The following MBNL1 variants were observed in gnomAD, a reference collection of about 807,000 sequenced individuals.
The protein encoded by MBNL1 is muscleblind like splicing regulator 1, also known as muscleblind-like protein 1.
Under a neutral mutation model 42.2 loss-of-function variants are expected in MBNL1, and 8 were observed. The observed-to-expected ratio is 0.19, with a 90% CI of 0.11 to 0.34. The LOEUF (loss-of-function observed/expected upper bound fraction) is 0.34. Among genes scored for constraint, MBNL1 ranks in the 10% least tolerant of loss-of-function variants. MBNL1 has a pLI of 1.00. For synonymous variants in MBNL1, 169 were observed against 173.9 expected (o/e 0.97, Z 0.22); for missense variants, 309 against 495.3 (o/e 0.62, Z 3.57).
chr3:152,335,109 A>C, intron 2 of MBNL1: 1 of 1,286,884 alleles, frequency 7.8e-7, no homozygotes, highest in Non-Finnish European at 1.0e-6. Flanking sequence ...TTGGTGCTGC[A>C]GCAGTCACTC....
Position 152,274,164 on chromosome 3 carries a change from T to G in MBNL1, c.-790+5072T>G, listed in dbSNP as rs151080261. Among the ~76,000 whole-genome samples the G allele has an allele frequency of 2.0e-5, 3 of 152,286 alleles. No homozygotes were observed. In the East Asian group the frequency reaches 5.8e-4, roughly 29 times the overall value. ...TTCCTACGTTTTCACTTTTAAAAGT[T>G]TAGAAGCTATTAACTAAAAATGAAC... On this transcript the variant is annotated intron_variant, in intron 1 of 9. Transcript: ENST00000324210.
Position 152,459,253 on chromosome 3 carries a change from T to C in MBNL1, c.1093-18T>C, listed in dbSNP as rs765858032. ...TTGCTTGCATGGATCATTCATTAAA[T>C]AATTTTTTATTTGCTAGATACCCAT... On this transcript the variant is annotated intron_variant, in intron 8 of 9. Coordinates refer to ENST00000324210, the MANE Select transcript of MBNL1 (RefSeq NM_021038.5). The C allele has an allele frequency of 6.8e-7, 1 of 1,470,652 alleles. No homozygotes were observed. The highest frequency in any genetic ancestry group is 2.3e-5 in the East Asian group (1 of 42,602). The allele number at this position is 1,470,652 out of a possible 1,614,324, so 91.1% of individuals were successfully genotyped here. A position where few individuals can be genotyped will look rare whatever the true frequency, so the allele number is the denominator to read the frequency against.
intron 6 of MBNL1, among the ~76,000 whole-genome samples, chr3:152,452,603 C>G (rs1198619329): frequency 3.3e-5 from 5 of 152,188 alleles, no homozygotes; most frequent in Non-Finnish European, 7.3e-5. Flanking sequence ...GCCCTCCAGG[C>G]TCCCATGCCC....
chr3:152,272,630 G>GCATT (rs2042568867), intron 1 of MBNL1, among the ~76,000 whole-genome samples: 1 of 151,900 alleles, frequency 6.6e-6, no homozygotes. Context: ...AAAGATTGCT[G>GCATT]CATTCATAAG....
At chr3:152,297,074 G>C (rs754452746) in intron 1 of MBNL1, among the ~76,000 whole-genome samples, 11 of 152,054 alleles carry the variant, frequency 7.2e-5, no homozygotes, top group Admixed American at 2.0e-4. Flanking sequence ...CATCTTAGCT[G>C]GCTTTAGAGG....
chr3:152,292,282 G>C (rs369849481), intron 1 of MBNL1, among the ~76,000 whole-genome samples: 6 of 152,202 alleles, frequency 3.9e-5, no homozygotes, highest in African/African-American at 1.4e-4. Flanking sequence ...TGTCTGTATA[G>C]AAGCTTTATG....
intron 1 of MBNL1, among the ~76,000 whole-genome samples, chr3:152,289,395 G>T (rs545568581): frequency 1.3e-5 from 2 of 152,118 alleles, no homozygotes; most frequent in Admixed American, 1.3e-4. Flanking sequence ...AGTTAGATAT[G>T]TGAATTATGT....
intron 2 of MBNL1, among the ~76,000 whole-genome samples, chr3:152,353,832 C>G (rs1286178817): frequency 6.6e-6 from 1 of 152,082 alleles, no homozygotes; most frequent in South Asian, 2.1e-4. Flanking sequence ...GAGTTAAGAG[C>G]ACCTGGCCTG....
At chr3:152,367,133 C>G (rs1350579776) in intron 2 of MBNL1, among the ~76,000 whole-genome samples, 1 of 152,084 alleles carries the variant, frequency 6.6e-6, no homozygotes, top group Non-Finnish European at 1.5e-5. Flanking sequence ...ACCCATCAAC[C>G]CGTCATCTAC....
chr3:152,386,063 A>G (rs1200717843), intron 2 of MBNL1, among the ~76,000 whole-genome samples: 2 of 152,102 alleles, frequency 1.3e-5, no homozygotes, highest in Admixed American at 1.3e-4. Flanking sequence ...AGTTCAAAAG[A>G]TATTTTTAAA....
intron 2 of MBNL1, among the ~76,000 whole-genome samples, chr3:152,386,227 A>G (rs376215326): frequency 2.0e-5 from 3 of 152,002 alleles, no homozygotes; most frequent in African/African-American, 7.2e-5. Flanking sequence ...ATTCAAGAAA[A>G]TAGAGCATGT....
intron 2 of MBNL1, among the ~76,000 whole-genome samples, chr3:152,408,459 A>G (rs1363575233): frequency 2.0e-5 from 3 of 152,278 alleles, no homozygotes; most frequent in Non-Finnish European, 4.4e-5. Flanking sequence ...AAATTATGTC[A>G]TATATCCTAA....
chr3:152,440,485 A>T (rs1006004835), intron 4 of MBNL1, among the ~76,000 whole-genome samples: 9 of 152,212 alleles, frequency 5.9e-5, no homozygotes, highest in Non-Finnish European at 1.3e-4. Context: ...ATCAGATGTC[A>T]TGAGACTTAT....
At chr3:152,447,994 ATATT>A (rs1179093501) in intron 6 of MBNL1, among the ~76,000 whole-genome samples, 1 of 152,146 alleles carries the variant, frequency 6.6e-6, no homozygotes, top group Non-Finnish European at 1.5e-5. Flanking sequence ...GGTATTTTAT[ATATT>A]TATTTGTGTT....
intron 3 of MBNL1, among the ~76,000 whole-genome samples, chr3:152,424,792 C>G (rs2098887156): frequency 6.6e-6 from 1 of 152,144 alleles, no homozygotes; most frequent in Admixed American, 6.6e-5. Flanking sequence ...ACCATTTGAT[C>G]TTTGACAAAC....
At chr3:152,295,933 A>G (rs2058372537) in intron 1 of MBNL1, among the ~76,000 whole-genome samples, 1 of 152,206 alleles carries the variant, frequency 6.6e-6, no homozygotes, top group Admixed American at 6.5e-5. Flanking sequence ...TTAAAAGGGA[A>G]AGGTTCAAGA....
At chr3:152,444,994 T>C (rs1478695476) in intron 4 of MBNL1, among the ~76,000 whole-genome samples, 1 of 152,192 alleles carries the variant, frequency 6.6e-6, no homozygotes, top group African/African-American at 2.4e-5. Flanking sequence ...ACTGTGAAGT[T>C]ATTATTTTTC....
intron 2 of MBNL1, among the ~76,000 whole-genome samples, chr3:152,364,072 A>G (rs2096193538): frequency 6.6e-6 from 1 of 152,052 alleles, no homozygotes; most frequent in Admixed American, 6.6e-5. Flanking sequence ...TTTTCCCTAC[A>G]ATACATTAAA....
At chr3:152,377,348 A>G (rs774981810) in intron 2 of MBNL1, among the ~76,000 whole-genome samples, 3 of 152,174 alleles carry the variant, frequency 2.0e-5, no homozygotes, top group African/African-American at 4.8e-5. Context: ...TGTAGATCAT[A>G]TAGAAGTCGT....
Sources: allele counts gnomAD v4.1 joint callset (sites outside exome capture counted in the v4.1 genomes callset), GRCh38; gene constraint gnomAD v4.1.1; transcripts MANE v1.5; gene names NCBI Gene and HGNC (gene_info 2026-07-23, HGNC 2026-07-21).